The following ADCK2 variants were observed in gnomAD, a reference collection of about 807,000 sequenced individuals.
ADCK2 encodes the protein uncharacterized aarF domain-containing protein kinase 2.
A neutral mutation model predicts 52.3 loss-of-function variants in ADCK2; 37 were observed. The observed-to-expected ratio is 0.71, with a 90% confidence interval of 0.54 to 0.93. ADCK2 has a LOEUF of 0.93. ADCK2 is among the 40% of genes least tolerant of loss of function. The probability of loss-of-function intolerance (pLI) is 0.00; values close to 1 mark genes in which losing one functional copy is unlikely to be tolerated. For missense variants in ADCK2, 695 were observed against 798.7 expected, an observed-to-expected ratio of 0.87 and a Z score of 1.56; for synonymous variants, 321 against 349.2, an observed-to-expected ratio of 0.92 and a Z score of 0.90.
chr7:140,677,098 C>A (rs140493895), intron 2 of ADCK2, among the ~76,000 whole-genome samples: 1 of 152,196 alleles, frequency 6.6e-6, no homozygotes, highest in East Asian at 1.9e-4. Flanking sequence ...AACAAGTGAG[C>A]TTTCCTATCC....
rs1794354668 is a variant in ADCK2 at position 140,674,342 on chromosome 7, C to T, written c.933+79C>T. ...GAAACAACCGCCATGCAAATCGCCC[C>T]CACGTTTATTTCTATTTGCCTGACC... On this transcript the variant is annotated intron_variant, in intron 1 of 7. Transcript: ENST00000072869. The surrounding 1 kb of genome is among the most constrained non-coding windows in gnomAD (Gnocchi z 4.6). The T allele has an allele frequency of 1.4e-6, 2 of 1,426,184 alleles. No homozygotes were observed. Among genetic ancestry groups the T allele is most frequent in the Non-Finnish European group, 9.4e-7 (1 of 1,059,164 alleles). The allele number at this position is 1,426,184 out of a possible 1,614,324, so 88.3% of individuals were successfully genotyped here. A position where few individuals can be genotyped will look rare whatever the true frequency, so the allele number is the denominator to read the frequency against.
intron 7 of ADCK2, among the ~76,000 whole-genome samples, chr7:140,692,371 C>T (rs1333928606): frequency 6.6e-6 from 1 of 152,188 alleles, no homozygotes; most frequent in Non-Finnish European, 1.5e-5. Flanking sequence ...ACAGGATTTC[C>T]TTTTGAGACA....
chr7:140,692,396 C>A (rs1160849455), intron 7 of ADCK2, among the ~76,000 whole-genome samples: 2 of 152,242 alleles, frequency 1.3e-5, no homozygotes, highest in Admixed American at 1.3e-4. Flanking sequence ...CTCACTGTGT[C>A]ACCGAGGCTG....
Position 140,673,472 on chromosome 7 carries a change from C to A in ADCK2, c.142C>A (p.Pro48Thr). 6.2e-7 allele frequency: 1 copy of A among 1,608,700 alleles called. No homozygotes were observed. The highest frequency in any genetic ancestry group is 8.5e-7 in the Non-Finnish European group (1 of 1,178,384). Residue 48 changes from proline (P) to threonine (T), a missense_variant, in exon 1 of 8, where the codon CCC (proline) becomes ACC (threonine). Physicochemically the swap from Pro to Thr is conservative, Grantham distance 38. Coordinates refer to ENST00000072869, the MANE Select transcript of ADCK2 (RefSeq NM_052853.4). The surrounding 1 kb of genome is among the most constrained non-coding windows in gnomAD (Gnocchi z 6.4). Reference protein sequence around the residue: ...RLCWLLLGTLPKVVSLCGDVG... With the variant: ...RLCWLLLGTLTKVVSLCGDVG... ...CTGCTGGCTTCTGCTGGGCACTTTG[C>A]CCAAGGTCGTCTCCCTGTGCGGGGA... is the stretch of plus-strand genomic sequence containing the variant.
rs1196071618 is a variant in ADCK2 at position 140,687,045 on chromosome 7, A to G, written c.1361A>G (p.Gln454Arg). 4 of 1,614,140 alleles carry G rather than the reference A, an allele frequency of 2.5e-6. No individual in the cohort carries two copies. In the Admixed American group the frequency reaches 6.7e-5, roughly 27 times the overall value. ...ADLHPGNILV[Q>R]GANGLSSSQE... ...CTTCACCCTGGAAACATCCTGGTTC[A>G]GGGTGCCAACGGCCTGTCCTCGAGT... The change falls in exon 5 of 8, where the codon CAG becomes CGG. Residue 454 changes from glutamine (Q) to arginine (R), a missense_variant. Coordinates refer to ENST00000072869, the MANE Select transcript of ADCK2 (RefSeq NM_052853.4).
chr7:140,692,309 CTTGT>C (rs1794723651), intron 7 of ADCK2, among the ~76,000 whole-genome samples: 1 of 152,122 alleles, frequency 6.6e-6, no homozygotes, highest in Non-Finnish European at 1.5e-5. Flanking sequence ...TTGTGATTGG[CTTGT>C]TTTACTCAAT....
At chr7:140,677,748 A>G (rs1794444030) in intron 2 of ADCK2, among the ~76,000 whole-genome samples, 1 of 152,222 alleles carries the variant, frequency 6.6e-6, no homozygotes, top group Non-Finnish European at 1.5e-5. Context: ...GAACCTCAGC[A>G]TGGTTCATCA....
intron 2 of ADCK2, among the ~76,000 whole-genome samples, chr7:140,677,300 C>T (rs528556112): frequency 9.9e-5 from 15 of 151,840 alleles, no homozygotes; most frequent in Admixed American, 5.2e-4. Flanking sequence ...CCCAGCTACT[C>T]GAGAGGCTGA....
rs1289828373 is a variant in ADCK2, at chr7:140,673,243, G to A, written c.-88G>A. Reference sequence around the variant, plus strand: ...ATGGGCAGCTCCGTCCGCGGGGTCAGGGCCGGGCTTCGGCTTCACCGCAGC... The same window carrying A: ...ATGGGCAGCTCCGTCCGCGGGGTCAAGGCCGGGCTTCGGCTTCACCGCAGC... On this transcript the variant is annotated 5_prime_UTR_variant, in exon 1 of 8. Coordinates refer to ENST00000072869, the MANE Select transcript of ADCK2 (RefSeq NM_052853.4). The surrounding 1 kb of genome is among the most constrained non-coding windows in gnomAD (Gnocchi z 6.4). 2 of 1,212,858 alleles carry A rather than the reference G, an allele frequency of 1.6e-6. No individual in the cohort carries two copies. Among genetic ancestry groups the A allele is most frequent in the Admixed American group, 3.7e-5 (1 of 27,336 alleles). The allele number at this position is 1,212,858 out of a possible 1,614,324, so 75.1% of individuals were successfully genotyped here.
At chr7:140,691,611 G>A (rs560774118) in intron 7 of ADCK2, among the ~76,000 whole-genome samples, 4 of 152,104 alleles carry the variant, frequency 2.6e-5, no homozygotes, top group Non-Finnish European at 5.9e-5. Flanking sequence ...CCTGTGCCCC[G>A]GCTCTGTCGC....
intron 3 of ADCK2, among the ~76,000 whole-genome samples, chr7:140,679,666 T>C (rs1419763276): frequency 7.8e-6 from 1 of 128,072 alleles, no homozygotes; most frequent in Non-Finnish European, 1.7e-5. Flanking sequence ...CTCTCTCTTT[T>C]TTTTTTTTTT....
At chr7:140,682,826 C>CAAAA in intron 4 of ADCK2, among the ~76,000 whole-genome samples, 1 of 65,170 alleles carries the variant, frequency 1.5e-5, no homozygotes, top group Admixed American at 2.0e-4. Context: ...CCTGTCACTA[C>CAAAA]AAAAAAAAAA....
chr7:140,695,003 G>T lies in ADCK2; in HGVS notation c.*200G>T. On this transcript the variant is annotated 3_prime_UTR_variant, in exon 8 of 8. Coordinates refer to ENST00000072869, the MANE Select transcript of ADCK2 (RefSeq NM_052853.4). ...TGGGCCAATTAGGGAGTAAAAGGAG[G>T]GAAGGGGCCTATCCATTCCATTGTG... 2 of 1,338,522 alleles carry T rather than the reference G, an allele frequency of 1.5e-6. No individual in the cohort carries two copies. Among genetic ancestry groups the T allele is most frequent in the Non-Finnish European group, 1.9e-6 (2 of 1,047,416 alleles). The allele number at this position is 1,338,522 out of a possible 1,614,324, so 82.9% of individuals were successfully genotyped here. A position where few individuals can be genotyped will look rare whatever the true frequency, so the allele number is the denominator to read the frequency against.
chr7:140,683,377 G>A (rs1436043025), intron 4 of ADCK2, among the ~76,000 whole-genome samples: 1 of 152,212 alleles, frequency 6.6e-6, no homozygotes, highest in African/African-American at 2.4e-5. Context: ...ACTGTGTGGA[G>A]TTGGAGTGGG....
At chr7:140,676,938 G>A (rs1265411702) in intron 2 of ADCK2, among the ~76,000 whole-genome samples, 1 of 152,062 alleles carries the variant, frequency 6.6e-6, no homozygotes, top group Non-Finnish European at 1.5e-5. Flanking sequence ...TGGGAGAATC[G>A]CTTGAATCTG....
intron 7 of ADCK2, among the ~76,000 whole-genome samples, chr7:140,694,138 T>C (rs1472019951): frequency 1.3e-5 from 2 of 152,056 alleles, no homozygotes; most frequent in Non-Finnish European, 2.9e-5. Context: ...CTCGTCAACA[T>C]TGCAAGACCC....
intron 4 of ADCK2, among the ~76,000 whole-genome samples, chr7:140,682,862 G>C (rs569686482): frequency 3.3e-5 from 5 of 150,690 alleles, no homozygotes; most frequent in African/African-American, 1.2e-4. Flanking sequence ...AATTGGCCAC[G>C]TTTGGTGGCA....
rs1356140109 is a variant in ADCK2, at chr7:140,674,683, G to A, written c.1006G>A (p.Gly336Arg). 2 of 1,614,148 alleles carry A rather than the reference G, an allele frequency of 1.2e-6. No individual in the cohort carries two copies. Among genetic ancestry groups the A allele is most frequent in the Non-Finnish European group, 1.7e-6 (2 of 1,180,030 alleles). The change falls in exon 2 of 8, where the codon GGA becomes AGA. Residue 336 changes from glycine to arginine, a missense_variant. By Grantham distance (125) the Gly-to-Arg change is moderately radical. Transcript: ENST00000072869. The surrounding 1 kb of genome is among the most constrained non-coding windows in gnomAD (Gnocchi z 4.6). ...LLMKIGSRVL[G>R]VLPGIKWLSL... ...GATGAAGATTGGCAGCCGAGTCCTG[G>A]GAGTTTTGCCAGGCATCAAGTGGCT...
At position 140,673,349 on chromosome 7, in the gene ADCK2, G is replaced by C; in HGVS notation, c.19G>C (p.Val7Leu). 2.1e-6 allele frequency: 3 copies of C among 1,462,472 alleles called. No homozygotes were observed. The highest frequency in any genetic ancestry group is 2.7e-6 in the Non-Finnish European group (3 of 1,105,374). 90.6% of individuals were successfully genotyped at this position (1,462,472 alleles called of 1,614,324 possible). A position where few individuals can be genotyped will look rare whatever the true frequency, so the allele number is the denominator to read the frequency against. The change falls in exon 1 of 8, where the codon GTC (valine) becomes CTC (leucine). Residue 7 changes from valine (V) to leucine (L), a missense_variant. Transcript: ENST00000072869. This position sits in a 1 kb window ranked among gnomAD's most constrained non-coding sequence, Gnocchi z 6.4. ...CGGGAGGATGGTGGCGCCCTGGCGC[G>C]TCTCCGTCAGGGTTTGCCTGTCGCA... is the stretch of plus-strand genomic sequence containing the variant. MVAPWR[V>L]SVRVCLSHLR...
Sources: allele counts gnomAD v4.1 joint callset (sites outside exome capture counted in the v4.1 genomes callset), GRCh38; gene constraint gnomAD v4.1.1; non-coding constraint Gnocchi (gnomAD v3.1); transcripts MANE v1.5; gene names NCBI Gene and HGNC (gene_info 2026-07-23, HGNC 2026-07-21).